The following VWA8 variants were observed in gnomAD, a reference collection of about 807,000 sequenced individuals.
VWA8 encodes the protein von Willebrand factor A domain-containing protein 8.
Under a neutral mutation model 241.5 loss-of-function variants are expected in VWA8, and 221 were observed. That is an observed-to-expected ratio of 0.91 (90% CI 0.82 to 1.02). VWA8 has a LOEUF of 1.02. VWA8 is among the 50% of genes least tolerant of loss of function. The pLI is 0.00. For synonymous variants in VWA8, 852 were observed against 827.1 expected, an observed-to-expected ratio of 1.03 and a Z score of -0.52; for missense variants, 2,322 against 2,328.7, an observed-to-expected ratio of 1.00 and a Z score of 0.06.
chr13:41,716,509 T>C (rs944973817), intron 26 of VWA8, among the ~76,000 whole-genome samples: 8 of 152,086 alleles, frequency 5.3e-5, no homozygotes, highest in African/African-American at 1.9e-4. Flanking sequence ...GTGCTGTAGA[T>C]AGCTACACAA....
chr13:41,664,429 G>A (rs1452716910), intron 37 of VWA8, among the ~76,000 whole-genome samples: 3 of 148,266 alleles, frequency 2.0e-5, no homozygotes, highest in Non-Finnish European at 4.5e-5. Context: ...GTGTGTGTGT[G>A]TTCCATTTGT....
chr13:41,749,173 C>A (rs559681815), intron 21 of VWA8, among the ~76,000 whole-genome samples: 3 of 152,216 alleles, frequency 2.0e-5, no homozygotes, highest in South Asian at 2.1e-4. Context: ...AAACAAACAA[C>A]CCCATCAAAA....
intron 17 of VWA8, among the ~76,000 whole-genome samples, chr13:41,805,771 G>A (rs983194580): frequency 1.3e-5 from 2 of 151,902 alleles, no homozygotes; most frequent in Admixed American, 1.3e-4. Flanking sequence ...CCAAGATTGC[G>A]CCATTGCACT....
chr13:41,820,708 G>A (rs1177380008), intron 14 of VWA8, among the ~76,000 whole-genome samples: 2 of 152,226 alleles, frequency 1.3e-5, no homozygotes, highest in Non-Finnish European at 2.9e-5. Flanking sequence ...GACAGTGCCT[G>A]AAAGTCCAGA....
intron 31 of VWA8, 33 bp from the exon 32 acceptor site, chr13:41,691,478 A>G: frequency 6.2e-7 from 1 of 1,608,378 alleles, no homozygotes; most frequent in Non-Finnish European, 8.5e-7. Flanking sequence ...CTGAAAGGAA[A>G]TGGTGAGGAT....
At chr13:41,692,415 C>T (rs1488415739) in intron 30 of VWA8, among the ~76,000 whole-genome samples, 1 of 151,806 alleles carries the variant, frequency 6.6e-6, no homozygotes, top group Non-Finnish European at 1.5e-5. Flanking sequence ...CTTGTGTTGG[C>T]CTAAACTATT....
At chr13:41,572,034 A>ACCACCACCCCATCTGGGAGGTG (rs2044309704) in intron 43 of VWA8, among the ~76,000 whole-genome samples, 1 of 148,940 alleles carries the variant, frequency 6.7e-6, no homozygotes, top group Non-Finnish European at 1.5e-5. Context: ...TCTCTGCCCG[A>ACCACCACCCCATCTGGGAGGTG]CCACCACCCC....
chr13:41,587,709 G>C (rs780813104), intron 41 of VWA8, 39 bp from the exon 42 acceptor site: 1 of 1,608,530 alleles, frequency 6.2e-7, no homozygotes, highest in East Asian at 2.2e-5. Context: ...TTGTGAACTG[G>C]CAAACTTCCC....
At chr13:41,910,604 A>C (rs1875948659) in intron 3 of VWA8, among the ~76,000 whole-genome samples, 1 of 151,482 alleles carries the variant, frequency 6.6e-6, no homozygotes, top group Admixed American at 6.6e-5. Context: ...AAAAAAAAAA[A>C]CAACAACAAA....
At chr13:41,933,860 T>A (rs1430584800) in intron 2 of VWA8, among the ~76,000 whole-genome samples, 1 of 151,846 alleles carries the variant, frequency 6.6e-6, no homozygotes, top group Non-Finnish European at 1.5e-5. Flanking sequence ...CAACTACATC[T>A]AGAAAAAAAT....
intron 21 of VWA8, among the ~76,000 whole-genome samples, chr13:41,746,899 A>G (rs1160666809): frequency 6.6e-6 from 1 of 152,222 alleles, no homozygotes. Flanking sequence ...TAGTCCTATC[A>G]TATGGATAAT....
chr13:41,746,482 G>GATA (rs2045607783), intron 21 of VWA8, among the ~76,000 whole-genome samples: 1 of 152,156 alleles, frequency 6.6e-6, no homozygotes, highest in Non-Finnish European at 1.5e-5. Context: ...TAGATGACAG[G>GATA]ATAATGTAAC....
At chr13:41,680,767 T>C (rs2137807801) in intron 35 of VWA8, among the ~76,000 whole-genome samples, 1 of 152,302 alleles carries the variant, frequency 6.6e-6, no homozygotes, top group South Asian at 2.1e-4. Flanking sequence ...AGACTCAACA[T>C]ATACACAAGC....
At chr13:41,701,074 C>G (rs1439905904) in intron 28 of VWA8, among the ~76,000 whole-genome samples, 1 of 152,120 alleles carries the variant, frequency 6.6e-6, no homozygotes, top group Non-Finnish European at 1.5e-5. Flanking sequence ...GAATCCCAGC[C>G]AAAAAACCCA....
chr13:41,833,814 G>C (rs73185305), intron 12 of VWA8, among the ~76,000 whole-genome samples: 1 of 151,742 alleles, frequency 6.6e-6, no homozygotes, highest in African/African-American at 2.4e-5. Flanking sequence ...TAAAATGTTC[G>C]TTTACATAAT....
At chr13:41,853,666 T>C (rs1337290002) in intron 12 of VWA8, among the ~76,000 whole-genome samples, 1 of 152,170 alleles carries the variant, frequency 6.6e-6, no homozygotes, top group Non-Finnish European at 1.5e-5. Context: ...TGTTGATGTA[T>C]AGTAGTCTCA....
At chr13:41,691,793 G>A (rs1242632484) in intron 31 of VWA8, 81 bp downstream of exon 31, 1 of 1,135,004 alleles carries the variant, frequency 8.8e-7, no homozygotes, top group Middle Eastern at 2.0e-4. Flanking sequence ...TCACTTTATA[G>A]TAAACAAGTA....
At chr13:41,647,048 T>C (rs887923415) in intron 37 of VWA8, among the ~76,000 whole-genome samples, 1 of 152,240 alleles carries the variant, frequency 6.6e-6, no homozygotes, top group Non-Finnish European at 1.5e-5. Flanking sequence ...TGTAGAATAC[T>C]TAACAGTGAT....
At chr13:41,623,153 C>T (rs908725302) in intron 37 of VWA8, among the ~76,000 whole-genome samples, 1 of 152,126 alleles carries the variant, frequency 6.6e-6, no homozygotes, top group African/African-American at 2.4e-5. Flanking sequence ...GTCCTGGATG[C>T]ACTGCTCTCT....
Sources: gnomAD v4.1 joint callset for allele counts (sites outside exome capture counted in the v4.1 genomes callset) on GRCh38, gnomAD v4.1.1 for gene constraint, MANE v1.5 for transcripts, NCBI Gene and HGNC (gene_info 2026-07-23, HGNC 2026-07-21) for gene names.